The following MSRA variants were observed in gnomAD, a reference collection of about 807,000 sequenced individuals.
The protein encoded by MSRA is mitochondrial peptide methionine sulfoxide reductase.
A neutral mutation model predicts 31.3 loss-of-function variants in MSRA; 54 were observed. The ratio of observed to expected loss-of-function variants is 1.73; its 90% CI spans 1.39 to 2.17. MSRA has a LOEUF of 2.17. Ranked by LOEUF, MSRA falls within the 30% of genes most tolerant of loss-of-function variation. The pLI is 0.00. For missense variants in MSRA, 507 were observed against 300.9 expected (o/e 1.69, Z -5.07); for synonymous variants, 169 against 116.5 (o/e 1.45, Z -2.90).
chr8:10,140,195 G>C (rs899584779), intron 1 of MSRA, among the ~76,000 whole-genome samples: 5 of 152,188 alleles, frequency 3.3e-5, no homozygotes, highest in Non-Finnish European at 7.3e-5. Context: ...AGTCCTGTTG[G>C]TTCTGATTCT....
At chr8:10,407,481 A>G (rs1365228841) in intron 5 of MSRA, among the ~76,000 whole-genome samples, 1 of 152,150 alleles carries the variant, frequency 6.6e-6, no homozygotes, top group African/African-American at 2.4e-5. Flanking sequence ...TACAATTAGG[A>G]CTTGCTATGG....
rs1408569282 is a variant in MSRA, at chr8:10,307,453, A to G, written c.436+5815A>G. ...AAGTTCTGGGATGACAGAGGTGGCC[A>G]CTGCGCCCAGCTGGGGTGCATATTT... On this transcript the variant is annotated intron_variant, in intron 4 of 5. Coordinates refer to ENST00000317173, the MANE Select transcript of MSRA (RefSeq NM_012331.5). 4.6e-5 allele frequency among the ~76,000 whole-genome samples: 7 copies of G among 152,308 alleles called. No homozygotes were observed. In the East Asian group the frequency reaches 9.6e-4, roughly 21 times the overall value.
chr8:10,323,770 G>GTGTGTGTGTGTGTGTGTC (rs1390517566), intron 5 of MSRA, among the ~76,000 whole-genome samples: 1 of 151,680 alleles, frequency 6.6e-6, no homozygotes, highest in East Asian at 1.9e-4. Context: ...GTGTGTGTGT[G>GTGTGTGTGTGTGTGTGTC]TGTGTCTGTG....
chr8:10,115,793 C>A (rs529419585), intron 1 of MSRA, among the ~76,000 whole-genome samples: 1 of 152,100 alleles, frequency 6.6e-6, no homozygotes, highest in Non-Finnish European at 1.5e-5. Context: ...GTATCCCCAG[C>A]ATTAAGAAGA....
intron 2 of MSRA, among the ~76,000 whole-genome samples, chr8:10,239,679 G>A (rs561181126): frequency 5.3e-5 from 8 of 152,292 alleles, no homozygotes; most frequent in South Asian, 2.1e-4. Context: ...TATATTCCCA[G>A]ATAAAAGTGT....
chr8:10,113,120 A>G (rs1800405416), intron 1 of MSRA, among the ~76,000 whole-genome samples: 1 of 151,912 alleles, frequency 6.6e-6, no homozygotes, highest in Non-Finnish European at 1.5e-5. Context: ...CTCAGGGTAG[A>G]GAACTGTGTC....
intron 5 of MSRA, among the ~76,000 whole-genome samples, chr8:10,363,057 G>C (rs1454775666): frequency 6.6e-6 from 1 of 152,206 alleles, no homozygotes; most frequent in Non-Finnish European, 1.5e-5. Flanking sequence ...CTCAGTCACT[G>C]GTGTGGTTCC....
At chr8:10,383,746 A>G (rs7463129) in intron 5 of MSRA, among the ~76,000 whole-genome samples, 152,039 of 152,324 alleles carry the variant, frequency 1, 75,879 homozygotes, top group Middle Eastern at 1. Context: ...CCAGTGCTGC[A>G]TTGGGAAACT....
intron 5 of MSRA, chr8:10,337,759 C>G: frequency 1.4e-6 from 1 of 702,662 alleles, no homozygotes; most frequent in Non-Finnish European, 2.6e-6. Flanking sequence ...CTGCAGCCTC[C>G]TCTGCTCAAC....
At position 10,122,405 on chromosome 8, in the gene MSRA, G is replaced by A. The variant is rs1801189553; in HGVS notation, c.142+67747G>A. Among the ~76,000 whole-genome samples the A allele has an allele frequency of 3.9e-5, 6 of 152,304 alleles. No homozygotes were observed. In the South Asian group the frequency reaches 1.2e-3, roughly 32 times the overall value. ...TGGCACAAAAGTATTCAAAAGAAAG[G>A]ATTTCTGGATTGTTTTTTAAAAAAC... On this transcript the variant is annotated intron_variant, in intron 1 of 5. Transcript: ENST00000317173.
chr8:10,172,058 C>G (rs1026601706), intron 1 of MSRA, among the ~76,000 whole-genome samples: 1 of 152,178 alleles, frequency 6.6e-6, no homozygotes, highest in Non-Finnish European at 1.5e-5. Flanking sequence ...TATACTCACT[C>G]CCAGATTTCC....
At chr8:10,164,505 A>T (rs1354381189) in intron 1 of MSRA, among the ~76,000 whole-genome samples, 1 of 151,940 alleles carries the variant, frequency 6.6e-6, no homozygotes, top group Non-Finnish European at 1.5e-5. Flanking sequence ...CCTCTCTAGG[A>T]CTCCTGAATA....
chr8:10,241,993 CG>C (rs2129080220), intron 2 of MSRA, among the ~76,000 whole-genome samples: 1 of 152,270 alleles, frequency 6.6e-6, no homozygotes, highest in South Asian at 2.1e-4. Context: ...TAAAGACAGC[CG>C]GATGTGGTGG....
intron 1 of MSRA, among the ~76,000 whole-genome samples, chr8:10,073,360 T>C (rs1442608658): frequency 6.6e-6 from 1 of 152,212 alleles, no homozygotes; most frequent in East Asian, 1.9e-4. Flanking sequence ...AATAAAGTTT[T>C]ATTGGAACAC....
intron 1 of MSRA, among the ~76,000 whole-genome samples, chr8:10,128,056 CCTT>C (rs996361525): frequency 1.4e-4 from 22 of 152,134 alleles, no homozygotes; most frequent in African/African-American, 4.8e-4. Context: ...CTCTGTGTCT[CCTT>C]CTATTTTTCA....
At chr8:10,375,167 C>A (rs919869037) in intron 5 of MSRA, among the ~76,000 whole-genome samples, 3 of 152,220 alleles carry the variant, frequency 2.0e-5, no homozygotes, top group African/African-American at 7.2e-5. Flanking sequence ...ACTTGTACAG[C>A]CACAAATCTG....
rs1436178461 is a variant in MSRA, at chr8:10,245,166, C to G, written c.274C>G (p.Gln92Glu). The G allele has an allele frequency of 6.2e-7, 1 of 1,613,534 alleles. No individual in the cohort carries two copies. Among genetic ancestry groups the G allele is most frequent in the Non-Finnish European group, 8.5e-7 (1 of 1,179,756 alleles). Residue 92 changes from glutamine to glutamate, a missense_variant, in exon 3 of 6, where the codon CAA (glutamine) becomes GAA (glutamate). Gln to Glu is a conservative substitution (Grantham distance 29, BLOSUM62 2). Transcript: ENST00000317173. ...FWVLKGVYST[Q>E]VGFAGGYTSN... The stretch of plus-strand genomic sequence containing the variant: ...GGTCTTGAAAGGAGTGTATTCAACT[C>G]AAGTTGGTTTTGCAGGAGGCTATAC...
intron 4 of MSRA, among the ~76,000 whole-genome samples, chr8:10,317,549 G>C (rs769670630): frequency 4.6e-5 from 7 of 152,170 alleles, no homozygotes; most frequent in Non-Finnish European, 1.0e-4. Flanking sequence ...GCAGTTGGTA[G>C]ATGTCAGGAG....
chr8:10,198,051 A>G (rs1808151624), intron 1 of MSRA, among the ~76,000 whole-genome samples: 1 of 151,896 alleles, frequency 6.6e-6, no homozygotes. Context: ...AACACGTAGT[A>G]TTTTACAACT....
Sources: allele counts gnomAD v4.1 joint callset (sites outside exome capture counted in the v4.1 genomes callset), GRCh38; gene constraint gnomAD v4.1.1; transcripts MANE v1.5; gene names NCBI Gene and HGNC (gene_info 2026-07-23, HGNC 2026-07-21).